The following GSE1 variants were observed in gnomAD, a reference collection of about 807,000 sequenced individuals.
GSE1 encodes Gse1 coiled-coil protein, also known as genetic suppressor element 1.
Under a neutral mutation model 112.6 loss-of-function variants are expected in GSE1, and 32 were observed. That is an observed-to-expected ratio of 0.28 (90% CI 0.21 to 0.38). The LOEUF is 0.38. Ranked by LOEUF, GSE1 falls within the 10% of genes least tolerant of loss-of-function variation. GSE1 has a pLI of 1.00. For synonymous variants in GSE1, 1,115 were observed against 735.6 expected, an observed-to-expected ratio of 1.52 and a Z score of -8.35; for missense variants, 2,348 against 1,699.2, an observed-to-expected ratio of 1.38 and a Z score of -6.71.
At chr16:85,618,578 G>T (rs1213477920) in intron 1 of GSE1, among the ~76,000 whole-genome samples, 1 of 152,264 alleles carries the variant, frequency 6.6e-6, no homozygotes, top group Non-Finnish European at 1.5e-5. Flanking sequence ...TCCTGAGGCT[G>T]TTGAGGGTTA....
intron 1 of GSE1, among the ~76,000 whole-genome samples, chr16:85,210,465 T>C (rs1158360848): frequency 6.6e-6 from 1 of 152,156 alleles, no homozygotes; most frequent in East Asian, 1.9e-4. Flanking sequence ...GCATGATGCC[T>C]GTAGTCCCAG....
chr16:85,279,461 G>A (rs538882714), intron 1 of GSE1, among the ~76,000 whole-genome samples: 2 of 151,676 alleles, frequency 1.3e-5, no homozygotes, highest in South Asian at 4.2e-4. Context: ...ACAAAAATTA[G>A]CCAGGCATGG....
At position 85,620,674 on chromosome 16, in the gene GSE1, T is replaced by G. The variant is rs536792755; in HGVS notation, c.7+7276T>G. On this transcript the variant is annotated intron_variant, in intron 1 of 15. Transcript: ENST00000253458. ...ATCAGCCCTTGTGGAATGCCTGGGC[T>G]GGCGCCCCACTCAGCCCTGCATCTC... 9.2e-5 allele frequency among the ~76,000 whole-genome samples: 14 copies of G among 152,394 alleles called. No individual in the cohort carries two copies. In the East Asian group the frequency reaches 2.5e-3, roughly 27 times the overall value.
At chr16:85,626,544 T>C (rs1435176012) in intron 1 of GSE1, among the ~76,000 whole-genome samples, 1 of 152,130 alleles carries the variant, frequency 6.6e-6, no homozygotes, top group Non-Finnish European at 1.5e-5. Flanking sequence ...CAGGTCCAGA[T>C]TGTGTGTGCG....
At chr16:85,342,321 G>C (rs2046640779) in intron 1 of GSE1, among the ~76,000 whole-genome samples, 1 of 152,214 alleles carries the variant, frequency 6.6e-6, no homozygotes, top group South Asian at 2.1e-4. Context: ...TTTCCCTGTA[G>C]CTGAGCTGCC....
At chr16:85,351,497 T>G (rs2046849457) in intron 1 of GSE1, among the ~76,000 whole-genome samples, 1 of 149,406 alleles carries the variant, frequency 6.7e-6, no homozygotes, top group African/African-American at 2.5e-5. Context: ...AGCAAATGAG[T>G]GATTGCAGGG....
intron 2 of GSE1, among the ~76,000 whole-genome samples, chr16:85,526,571 C>T (rs116359976): frequency 0.014 from 2,074 of 152,298 alleles, 46 homozygotes; most frequent in African/African-American, 0.048. Flanking sequence ...AGGGACACAG[C>T]ACAGACAGGG....
rs2053571925 is a variant in GSE1 at position 85,674,455 on chromosome 16, A to G, written c.*1916A>G. 1 of 152,226 alleles carries G rather than the reference A, an allele frequency of 6.6e-6. No individual in the cohort carries two copies. The highest frequency in any genetic ancestry group is 1.5e-5 in the Non-Finnish European group (1 of 68,046). 9.4% of individuals were successfully genotyped at this position (152,226 alleles called of 1,614,324 possible). On this transcript the variant is annotated 3_prime_UTR_variant, in exon 16 of 16. Coordinates refer to ENST00000253458, the MANE Select transcript of GSE1 (RefSeq NM_014615.5). The stretch of plus-strand genomic sequence containing the variant: ...CCTCGAAAGACACTGGGAGGTCAGC[A>G]TGTTCCACAGGTGTTCAGAGGGAGT...
chr16:85,598,481 G>A (rs755526960), intron 1 of GSE1, among the ~76,000 whole-genome samples: 1 of 152,202 alleles, frequency 6.6e-6, no homozygotes, highest in Admixed American at 6.5e-5. Flanking sequence ...AACCAACTTT[G>A]ATCTTTCAGA....
At chr16:85,635,404 G>A (rs149246129) in intron 2 of GSE1, among the ~76,000 whole-genome samples, 70 of 152,296 alleles carry the variant, frequency 4.6e-4, no homozygotes, top group African/African-American at 1.5e-3. Flanking sequence ...ACACCTGAGC[G>A]GGCCAGGTTG....
At chr16:85,215,074 CACTG>C (rs909402455) in intron 1 of GSE1, among the ~76,000 whole-genome samples, 1 of 152,192 alleles carries the variant, frequency 6.6e-6, no homozygotes, top group African/African-American at 2.4e-5. Context: ...CCACCGTTAA[CACTG>C]ACCCCTGACA....
At chr16:85,351,113 G>C (rs1186292435) in intron 1 of GSE1, among the ~76,000 whole-genome samples, 1 of 152,206 alleles carries the variant, frequency 6.6e-6, no homozygotes, top group Non-Finnish European at 1.5e-5. Context: ...AGATCTCCCA[G>C]CTGGGAGAGT....
intron 1 of GSE1, among the ~76,000 whole-genome samples, chr16:85,314,516 C>T (rs1056957672): frequency 1.1e-4 from 17 of 152,256 alleles, no homozygotes; most frequent in South Asian, 6.2e-4. Flanking sequence ...CCACTGTCCC[C>T]TACACGTGTG....
intron 1 of GSE1, among the ~76,000 whole-genome samples, chr16:85,613,857 T>C (rs868422302): frequency 3.0e-4 from 4 of 13,258 alleles, no homozygotes; most frequent in Non-Finnish European, 5.7e-4. Flanking sequence ...GAAGCGGGGG[T>C]GTGGGGGGGG....
chr16:85,235,578 G>GGT (rs1240629496), intron 1 of GSE1, among the ~76,000 whole-genome samples: 6 of 20,456 alleles, frequency 2.9e-4, no homozygotes, highest in African/African-American at 8.5e-4. Context: ...TGTGTGGGTG[G>GGT]GGGGGGGGCG....
intron 1 of GSE1, among the ~76,000 whole-genome samples, chr16:85,621,568 C>G (rs577754464): frequency 6.6e-6 from 1 of 152,304 alleles, no homozygotes; most frequent in South Asian, 2.1e-4. Context: ...ACCCCTGGAG[C>G]CTGTCACCTG....
chr16:85,178,894 GA>G (rs2074523487), intron 1 of GSE1, among the ~76,000 whole-genome samples: 1 of 151,424 alleles, frequency 6.6e-6, no homozygotes, highest in Non-Finnish European at 1.5e-5. Flanking sequence ...AGGGAGGGAT[GA>G]GGGGTACGTT....
At chr16:85,212,117 G>T (rs1214926923) in intron 1 of GSE1, among the ~76,000 whole-genome samples, 2 of 152,152 alleles carry the variant, frequency 1.3e-5, no homozygotes, top group Non-Finnish European at 2.9e-5. Context: ...TTAATAATTG[G>T]GCTAGAAGCC....
chr16:85,418,162 C>A (rs989703254), intron 2 of GSE1, among the ~76,000 whole-genome samples: 3 of 152,254 alleles, frequency 2.0e-5, no homozygotes, highest in African/African-American at 4.8e-5. Context: ...AACAATGCCG[C>A]CATTGGCCCA....
Sources: allele counts gnomAD v4.1 joint callset (sites outside exome capture counted in the v4.1 genomes callset), GRCh38; gene constraint gnomAD v4.1.1; transcripts MANE v1.5; gene names NCBI Gene and HGNC (gene_info 2026-07-23, HGNC 2026-07-21).